Variants in ANLN observed in about 807,000 individuals in gnomAD.
ANLN encodes anillin, actin binding protein.
A neutral mutation model predicts 135.1 loss-of-function variants in ANLN; 59 were observed. That is an observed-to-expected ratio of 0.44 (90% CI 0.35 to 0.54). The LOEUF (loss-of-function observed/expected upper bound fraction) is 0.54. ANLN is among the 20% of genes least tolerant of loss of function. The probability of loss-of-function intolerance (pLI) is 0.00; values close to 1 mark genes in which losing one functional copy is unlikely to be tolerated. For synonymous variants in ANLN, 406 were observed against 456.4 expected (o/e 0.89, Z 1.41); for missense variants, 1,182 against 1,340.0 (o/e 0.88, Z 1.84).
chr7:36,435,639 C>T (rs946930932), intron 20 of ANLN, among the ~76,000 whole-genome samples: 56 of 151,656 alleles, frequency 3.7e-4, no homozygotes, highest in Admixed American at 2.0e-4. Flanking sequence ...TTTGGGAGGC[C>T]GAGGCGGGCG....
chr7:36,447,346 G>T (rs556728646), intron 22 of ANLN, among the ~76,000 whole-genome samples: 1 of 150,298 alleles, frequency 6.7e-6, no homozygotes, highest in Non-Finnish European at 1.5e-5. Context: ...ATCTACTCTT[G>T]CACTTTGGGG....
intron 22 of ANLN, among the ~76,000 whole-genome samples, chr7:36,448,777 A>G (rs998051391): frequency 3.9e-5 from 6 of 152,322 alleles, no homozygotes; most frequent in Admixed American, 2.0e-4. Flanking sequence ...ATTTTTTGCT[A>G]TTATGAAAAA....
intron 9 of ANLN, among the ~76,000 whole-genome samples, chr7:36,418,076 C>G (rs752132577): frequency 6.6e-6 from 1 of 152,116 alleles, no homozygotes; most frequent in Non-Finnish European, 1.5e-5. Flanking sequence ...GAAATACTTA[C>G]GTTTACTGCT....
intron 22 of ANLN, among the ~76,000 whole-genome samples, chr7:36,447,486 G>A (rs1222102711): frequency 4.8e-5 from 7 of 147,068 alleles, no homozygotes; most frequent in East Asian, 2.1e-4. Context: ...GTGCAGTCGC[G>A]GGATCTCGGC....
At chr7:36,445,211 A>G (rs1583660398) in intron 22 of ANLN, among the ~76,000 whole-genome samples, 1 of 57,706 alleles carries the variant, frequency 1.7e-5, no homozygotes, top group Non-Finnish European at 3.2e-5. Context: ...TATTTGCATT[A>G]TACGTGCCAA....
intron 5 of ANLN, among the ~76,000 whole-genome samples, chr7:36,409,042 T>C (rs1787303550): frequency 6.6e-6 from 1 of 151,520 alleles, no homozygotes; most frequent in South Asian, 2.1e-4. Context: ...GGGAAGCGGT[T>C]ATGGGGTAGG....
intron 23 of ANLN, among the ~76,000 whole-genome samples, chr7:36,451,440 A>G (rs370094611): frequency 2.0e-5 from 3 of 152,240 alleles, no homozygotes; most frequent in African/African-American, 7.2e-5. Context: ...TAACCATGGC[A>G]GGTCACTTAA....
chr7:36,446,094 T>C (rs1348441023), intron 22 of ANLN, among the ~76,000 whole-genome samples: 1 of 152,218 alleles, frequency 6.6e-6, no homozygotes, highest in African/African-American at 2.4e-5. Flanking sequence ...TTCCCTAGTC[T>C]TAGGCCTGGC....
At position 36,450,643 on chromosome 7, in the gene ANLN, G is replaced by T. The variant is rs544097002; in HGVS notation, c.3251+806G>T. ...GAGGACTCATTTGATGGAAATTTTT[G>T]ATGTCTAGATTACTTCCAGATTTAT... On this transcript the variant is annotated intron_variant, in intron 23 of 23. Transcript: ENST00000265748. 2.1e-4 allele frequency among the ~76,000 whole-genome samples: 32 copies of T among 152,286 alleles called. No homozygotes were observed. In the East Asian group the frequency reaches 5.8e-3, roughly 28 times the overall value.
chr7:36,447,405 ACAG>A (rs1789049717), intron 22 of ANLN, among the ~76,000 whole-genome samples: 4 of 148,836 alleles, frequency 2.7e-5, no homozygotes, highest in Admixed American at 1.3e-4. Context: ...ACTGCATACT[ACAG>A]CAGTTGATCT....
chr7:36,414,415 T>G (rs1170519934), intron 7 of ANLN, among the ~76,000 whole-genome samples: 1 of 152,186 alleles, frequency 6.6e-6, no homozygotes, highest in African/African-American at 2.4e-5. Flanking sequence ...ACAGAACTGA[T>G]GAGGACAATC....
Position 36,419,249 on chromosome 7 carries a change from A to T in ANLN, c.1639A>T (p.Ile547Leu). The T allele has an allele frequency of 6.2e-7, 1 of 1,611,132 alleles. No individual in the cohort carries two copies. Among genetic ancestry groups the T allele is most frequent in the Non-Finnish European group, 8.5e-7 (1 of 1,177,528 alleles). The change falls in exon 10 of 24, where the codon ATA (isoleucine) becomes TTA (leucine). Residue 547 changes from isoleucine to leucine, a missense_variant. This residue lies in a region of ANLN where 1,022 missense variants were observed against 1,134.0 expected (regional missense o/e 0.90). Transcript: ENST00000265748. ...CCTATTGAAATATTTTTCAGAAGTGATACGTGAAATTGAGATGAGTGTGGA... is the reference window on the plus strand; with the variant it reads ...CCTATTGAAATATTTTTCAGAAGTGTTACGTGAAATTGAGATGAGTGTGGA... ...DPKVEQKIEVIREIEMSVDDD... is the reference protein window; with the variant it reads ...DPKVEQKIEVLREIEMSVDDD...
At chr7:36,444,322 GTGTGT>G (rs1324936477) in intron 22 of ANLN, among the ~76,000 whole-genome samples, 39 of 150,470 alleles carry the variant, frequency 2.6e-4, no homozygotes, top group African/African-American at 9.5e-4. Context: ...TGTTGTAGGT[GTGTGT>G]GTGTGTGTGT....
At chr7:36,406,994 G>T (rs1787218244) in intron 4 of ANLN, among the ~76,000 whole-genome samples, 1 of 152,154 alleles carries the variant, frequency 6.6e-6, no homozygotes, top group Admixed American at 6.5e-5. Flanking sequence ...GCCAAACAGG[G>T]TGTGATACTT....
chr7:36,393,800 T>A (rs897628901), intron 1 of ANLN, among the ~76,000 whole-genome samples: 1 of 152,212 alleles, frequency 6.6e-6, no homozygotes, highest in African/African-American at 2.4e-5. Context: ...CAGTGTCTGA[T>A]GGAAGATGAG....
intron 8 of ANLN, 78 bp downstream of exon 8, chr7:36,415,962 CTT>C: frequency 2.3e-6 from 3 of 1,282,578 alleles, no homozygotes; most frequent in Non-Finnish European, 1.1e-6. Flanking sequence ...TATTCTGTAA[CTT>C]TGCTGGATTT....
intron 1 of ANLN, among the ~76,000 whole-genome samples, chr7:36,393,169 A>G (rs1332729506): frequency 6.6e-6 from 1 of 151,988 alleles, no homozygotes; most frequent in Non-Finnish European, 1.5e-5. Flanking sequence ...GACTACAGGC[A>G]TGCACCACCA....
chr7:36,433,290 T>C (rs1193247329), intron 20 of ANLN, among the ~76,000 whole-genome samples: 1 of 152,210 alleles, frequency 6.6e-6, no homozygotes, highest in East Asian at 1.9e-4. Flanking sequence ...ATGAAATCTC[T>C]AGGTTTTGTT....
In ANLN at chr7:36,399,317, T is replaced by G. The variant is rs1353740914; in HGVS notation, c.411T>G (p.Thr137=). Residue 137 remains threonine (T), a synonymous_variant, in exon 3 of 24, where the codon ACT becomes ACG. Coordinates refer to ENST00000265748, the MANE Select transcript of ANLN (RefSeq NM_018685.5). ...GGCTGAACTCAAGATTGGAAGCAAC[T>G]GCAGCCTCCTCAGTTAAAACACGTA... is the stretch of plus-strand genomic sequence containing the variant. ...RRGLNSRLEA[T]AASSVKTRMQ... is the part of the protein sequence containing the mutation. 1 of 1,614,098 alleles carries G rather than the reference T, an allele frequency of 6.2e-7. No homozygotes were observed.
Sources: allele counts gnomAD v4.1 joint callset (sites outside exome capture counted in the v4.1 genomes callset), GRCh38; gene constraint gnomAD v4.1.1; regional missense constraint gnomAD v4.1.1; transcripts MANE v1.5; gene names NCBI Gene and HGNC (gene_info 2026-07-23, HGNC 2026-07-21).